The following FAM110A variants were observed in gnomAD, a reference collection of about 807,000 sequenced individuals.
FAM110A encodes protein FAM110A.
A neutral mutation model predicts 4.0 loss-of-function variants in FAM110A; 1 was observed. The observed-to-expected ratio is 0.25, with a 90% CI of 0.09 to 1.20. The LOEUF (loss-of-function observed/expected upper bound fraction) is 1.20. Ranked by LOEUF, FAM110A falls within the 50% of genes most tolerant of loss-of-function variation. The probability of loss-of-function intolerance (pLI) is 0.50; values close to 1 mark genes in which losing one functional copy is unlikely to be tolerated. For synonymous variants in FAM110A, 217 were observed against 196.8 expected (o/e 1.10, Z -0.86); for missense variants, 436 against 429.2 (o/e 1.02, Z -0.14).
chr20:841,031 A>G (rs1979860242), intron 1 of FAM110A, among the ~76,000 whole-genome samples: 1 of 152,144 alleles, frequency 6.6e-6, no homozygotes, highest in South Asian at 2.1e-4. Flanking sequence ...TGCCAGAGCC[A>G]CGGGGACCCC....
chr20:837,114 G>A (rs1044027402), intron 1 of FAM110A, among the ~76,000 whole-genome samples: 3 of 147,448 alleles, frequency 2.0e-5, no homozygotes, highest in Non-Finnish European at 4.5e-5. Context: ...GTGCAGTGGC[G>A]CCATCTCGGC....
intron 1 of FAM110A, among the ~76,000 whole-genome samples, chr20:835,079 G>C (rs1979498235): frequency 6.6e-6 from 1 of 151,830 alleles, no homozygotes; most frequent in South Asian, 2.1e-4. Flanking sequence ...CAGTAATCAA[G>C]ACTGAAACTA....
chr20:845,554 C>T lies in FAM110A; in HGVS notation c.750C>T (p.Arg250=), dbSNP rs200395525. ...GCAGCTCTGAAGGGGGCTGCTCCCG[C>T]CGCAGCTCGGTGACTGTTGAGGAGC... ...GPGSSEGGCS[R]RSSVTVEERA... The change falls in exon 2 of 2, where the codon CGC becomes CGT. Residue 250 remains arginine (R), a synonymous_variant. Coordinates refer to ENST00000381941, the MANE Select transcript of FAM110A (RefSeq NM_001042353.3). 3 of 1,613,570 alleles carry T rather than the reference C, an allele frequency of 1.9e-6. No individual in the cohort carries two copies. In the East Asian group the frequency reaches 6.7e-5, roughly 36 times the overall value.
In FAM110A at chr20:833,924, G is replaced by A. The variant is rs756823717; in HGVS notation, c.-125G>A. 1 of 152,286 alleles carries A rather than the reference G, an allele frequency of 6.6e-6. No individual in the cohort carries two copies. Among genetic ancestry groups the A allele is most frequent in the Non-Finnish European group, 1.5e-5 (1 of 68,092 alleles). 9.4% of individuals were successfully genotyped at this position (152,286 alleles called of 1,614,324 possible). A position where few individuals can be genotyped will look rare whatever the true frequency, so the allele number is the denominator to read the frequency against. The stretch of plus-strand genomic sequence containing the variant: ...CCTCTCCAAAGCCTGCGCGAGAGGA[G>A]CCGGGACACGCCTAGCGCGGGCTCC... On this transcript the variant is annotated 5_prime_UTR_variant, in exon 1 of 2. Coordinates refer to ENST00000381941, the MANE Select transcript of FAM110A (RefSeq NM_001042353.3). The surrounding 1 kb of genome is among the most constrained non-coding windows in gnomAD (Gnocchi z 4.1).
rs780642465 is a variant in FAM110A at position 840,679 on chromosome 20, G to T, written c.-97-4029G>T. 2.0e-5 allele frequency among the ~76,000 whole-genome samples: 3 copies of T among 152,204 alleles called. No individual in the cohort carries two copies. Among genetic ancestry groups the T allele is most frequent in the Non-Finnish European group, 4.4e-5 (3 of 68,042 alleles). ...TGTTCCAGAGGGATGGACTCTACAC[G>T]TGACAGCATGGAGCACCAGGAGGGT... On this transcript the variant is annotated intron_variant, in intron 1 of 1. Coordinates refer to ENST00000381941, the MANE Select transcript of FAM110A (RefSeq NM_001042353.3). This position sits in a 1 kb window ranked among gnomAD's most constrained non-coding sequence, Gnocchi z 4.4.
intron 1 of FAM110A, among the ~76,000 whole-genome samples, chr20:839,241 G>A (rs1160953900): frequency 1.3e-5 from 2 of 152,102 alleles, no homozygotes; most frequent in South Asian, 2.1e-4. Context: ...TTTTGGGCAC[G>A]TGGCCTTACC....
chr20:837,052 T>TG (rs944424052), intron 1 of FAM110A, among the ~76,000 whole-genome samples: 8 of 141,026 alleles, frequency 5.7e-5, no homozygotes, highest in South Asian at 2.5e-4. Context: ...ATTGTTTTTT[T>TG]TTTTTTTTTT....
chr20:843,228 T>G (rs1415176564), intron 1 of FAM110A, among the ~76,000 whole-genome samples: 1 of 152,206 alleles, frequency 6.6e-6, no homozygotes, highest in African/African-American at 2.4e-5. Context: ...TTTCTCCATC[T>G]GCACAACGAC....
intron 1 of FAM110A, among the ~76,000 whole-genome samples, chr20:837,202 G>T (rs1050212672): frequency 1.3e-5 from 2 of 151,938 alleles, no homozygotes; most frequent in African/African-American, 4.8e-5. Flanking sequence ...ATAGGCCCCC[G>T]CCACCATGCT....
chr20:845,261 C>G lies in FAM110A; in HGVS notation c.457C>G (p.Arg153Gly). ...RPPPSTSAVR[R>G]VDVRPLPASP... ...GCCGCCCAGTACCTCTGCGGTCCGC[C>G]GGGTGGACGTCCGCCCCCTGCCCGC... Residue 153 changes from arginine to glycine, a missense_variant, in exon 2 of 2, where the codon CGG becomes GGG. Transcript: ENST00000381941. 6.7e-7 allele frequency: 1 copy of G among 1,492,808 alleles called. No homozygotes were observed. The highest frequency in any genetic ancestry group is 8.9e-7 in the Non-Finnish European group (1 of 1,124,730). 92.5% of individuals were successfully genotyped at this position (1,492,808 alleles called of 1,614,324 possible).
chr20:845,689 C>T lies in FAM110A; in HGVS notation c.885C>T (p.Gly295=), dbSNP rs757323332. The T allele has an allele frequency of 1.2e-6, 2 of 1,613,952 alleles. No homozygotes were observed. The highest frequency in any genetic ancestry group is 2.2e-5 in the East Asian group (1 of 44,862). ...RQARESPAAE[G] ...CTCGGGAGAGCCCAGCAGCTGAAGG[C>T]TAGGCGCCACTGGGCCTGGAATTCG... Residue 295 remains glycine (G), a synonymous_variant, in exon 2 of 2, where the codon GGC becomes GGT. Transcript: ENST00000381941.
chr20:841,082 G>T (rs958974291), intron 1 of FAM110A, among the ~76,000 whole-genome samples: 3 of 152,174 alleles, frequency 2.0e-5, no homozygotes, highest in African/African-American at 7.2e-5. Flanking sequence ...GCTCCCGGAA[G>T]AACTTCCCTG....
intron 1 of FAM110A, among the ~76,000 whole-genome samples, chr20:835,713 C>T (rs771259585): frequency 8.5e-5 from 13 of 152,246 alleles, no homozygotes; most frequent in Non-Finnish European, 1.6e-4. Flanking sequence ...CAGGCCAGGG[C>T]ACCAGCGTCT....
At chr20:838,996 C>T (rs922759738) in intron 1 of FAM110A, among the ~76,000 whole-genome samples, 10 of 151,972 alleles carry the variant, frequency 6.6e-5, no homozygotes, top group Non-Finnish European at 1.0e-4. Context: ...CGTTATTGCC[C>T]CCATTTTACA....
chr20:835,063 A>T (rs1230990362), intron 1 of FAM110A, among the ~76,000 whole-genome samples: 1 of 152,000 alleles, frequency 6.6e-6, no homozygotes, highest in Non-Finnish European at 1.5e-5. Context: ...GGGATGCCCA[A>T]AACCTCAGTA....
chr20:841,556 G>A (rs927586175), intron 1 of FAM110A, among the ~76,000 whole-genome samples: 3 of 152,170 alleles, frequency 2.0e-5, no homozygotes, highest in Non-Finnish European at 2.9e-5. Context: ...AAGCTTTTCC[G>A]GAATTGAGGG....
Position 845,634 on chromosome 20 carries a change from TGATCA to T in FAM110A, c.831_835del (p.Ile278ValfsTer15). ...TCGGTGGTGGAGCGCAATGCCCGCGTGATCAAGTGGTTGTATGGGCTAAGGCAGGC... is the reference window on the plus strand; with the variant it reads ...TCGGTGGTGGAGCGCAATGCCCGCGTAGTGGTTGTATGGGCTAAGGCAGGC... On this transcript the variant is annotated frameshift_variant, in exon 2 of 2. Transcript: ENST00000381941. LOFTEE classifies it high-confidence loss of function. 6.2e-7 allele frequency: 1 copy of T among 1,613,992 alleles called. No homozygotes were observed.
Position 844,880 on chromosome 20 carries a change from G to A in FAM110A, c.76G>A (p.Gly26Ser), listed in dbSNP as rs1363866488. 1 of 1,550,268 alleles carries A rather than the reference G, an allele frequency of 6.5e-7. No homozygotes were observed. The highest frequency in any genetic ancestry group is 2.0e-5 in the Admixed American group (1 of 50,872). Reference protein sequence around the residue: ...LPCRLRTRVPGYLLRGPADGG... With the variant: ...LPCRLRTRVPSYLLRGPADGG... The stretch of plus-strand genomic sequence containing the variant: ...TTGCCGCCTGCGGACCAGGGTCCCT[G>A]GCTACCTGCTACGGGGGCCGGCAGA... The change falls in exon 2 of 2, where the codon GGC becomes AGC. Residue 26 changes from glycine (G) to serine (S), a missense_variant. Coordinates refer to ENST00000381941, the MANE Select transcript of FAM110A (RefSeq NM_001042353.3).
chr20:837,966 G>T (rs1418441507), intron 1 of FAM110A, among the ~76,000 whole-genome samples: 3 of 151,704 alleles, frequency 2.0e-5, no homozygotes, highest in African/African-American at 7.3e-5. Flanking sequence ...AATAATAACT[G>T]TACAGTGGAG....
Sources: allele counts gnomAD v4.1 joint callset (sites outside exome capture counted in the v4.1 genomes callset), GRCh38; gene constraint gnomAD v4.1.1; non-coding constraint Gnocchi (gnomAD v3.1); transcripts MANE v1.5; gene names NCBI Gene and HGNC (gene_info 2026-07-23, HGNC 2026-07-21).